Variants in MLIP observed in about 807,000 individuals in gnomAD.
MLIP encodes the protein muscular LMNA-interacting protein.
A neutral mutation model predicts 84.8 loss-of-function variants in MLIP; 79 were observed. The ratio of observed to expected loss-of-function variants is 0.93; its 90% CI spans 0.78 to 1.12. The LOEUF (loss-of-function observed/expected upper bound fraction) is 1.12, where lower values mean the gene tolerates loss of function less well. Among genes scored for constraint, MLIP ranks in the 50% most tolerant of loss-of-function variants. MLIP has a pLI of 0.00. For missense variants in MLIP, 1,257 were observed against 1,160.6 expected, an observed-to-expected ratio of 1.08 and a Z score of -1.21; for synonymous variants, 504 against 463.0, an observed-to-expected ratio of 1.09 and a Z score of -1.14.
chr6:54,117,750 T>C (rs1770072718), intron 1 of MLIP, among the ~76,000 whole-genome samples: 1 of 150,856 alleles, frequency 6.6e-6, no homozygotes, highest in African/African-American at 2.4e-5. Flanking sequence ...ATCGACACCA[T>C]CCTGGCTAAC....
At chr6:54,215,056 TG>T in intron 11 of MLIP, 3 of 939,768 alleles carry the variant, frequency 3.2e-6, no homozygotes, top group Non-Finnish European at 4.9e-6. Context: ...TTCTGGACCC[TG>T]GTCTCTGCCT....
chr6:54,129,397 A>G (rs1363596847), intron 3 of MLIP, among the ~76,000 whole-genome samples: 1 of 152,188 alleles, frequency 6.6e-6, no homozygotes, highest in Non-Finnish European at 1.5e-5. Flanking sequence ...GTGCTTAAAA[A>G]GTGTCTGATG....
intron 11 of MLIP, among the ~76,000 whole-genome samples, chr6:54,225,363 G>A (rs114813586): frequency 6.6e-6 from 1 of 152,108 alleles, no homozygotes; most frequent in South Asian, 2.1e-4. Context: ...TCACACAGTG[G>A]TAAGTATTTG....
chr6:54,193,153 T>C (rs1778062417), intron 10 of MLIP, among the ~76,000 whole-genome samples: 1 of 152,196 alleles, frequency 6.6e-6, no homozygotes, highest in Admixed American at 6.6e-5. Flanking sequence ...GGAGACTGTT[T>C]TGGAGGTTCA....
chr6:54,084,131 CT>C (rs975888335), intron 1 of MLIP, among the ~76,000 whole-genome samples: 1 of 152,140 alleles, frequency 6.6e-6, no homozygotes, highest in Non-Finnish European at 1.5e-5. Context: ...CACAGTTCTA[CT>C]TTTTCCTCTT....
chr6:54,074,532 G>A (rs113893541), intron 1 of MLIP, among the ~76,000 whole-genome samples: 22 of 152,164 alleles, frequency 1.4e-4, no homozygotes, highest in African/African-American at 5.1e-4. Flanking sequence ...GCGGTAAGAA[G>A]GTCAGCAAAT....
intron 9 of MLIP, among the ~76,000 whole-genome samples, chr6:54,186,910 G>T (rs766594874): frequency 6.6e-6 from 1 of 152,142 alleles, no homozygotes; most frequent in Non-Finnish European, 1.5e-5. Context: ...CAGGACCCGA[G>T]AGCTTAGGTT....
At chr6:54,129,457 A>C (rs989203169) in intron 3 of MLIP, among the ~76,000 whole-genome samples, 2 of 152,174 alleles carry the variant, frequency 1.3e-5, no homozygotes, top group African/African-American at 4.8e-5. Flanking sequence ...TGATCTTCTG[A>C]TATAAATAGA....
chr6:54,265,876 A>C, intron 13 of MLIP, 74 bp from the exon 14 acceptor site: 1 of 1,378,930 alleles, frequency 7.3e-7, no homozygotes, highest in Non-Finnish European at 1.0e-6. Flanking sequence ...CCCAAATATT[A>C]ATGTATAATT....
chr6:54,223,533 G>A (rs192104568), intron 11 of MLIP, among the ~76,000 whole-genome samples: 2 of 152,128 alleles, frequency 1.3e-5, no homozygotes, highest in Admixed American at 1.3e-4. Context: ...TCAAAGATTA[G>A]TTGTCCAACC....
rs1360652295 is a variant in MLIP, at chr6:54,178,455, G to GGGTTT, written c.2544+8890_2544+8894dup. On this transcript the variant is annotated intron_variant, in intron 9 of 13. Coordinates refer to ENST00000502396, the MANE Select transcript of MLIP (RefSeq NM_001281747.2). ...TTATTATTTTTCTTCTACTAATTTT[G>GGGTTT]GGTTTGGTTTGCTCTTGACTTTCTA... 9.2e-5 allele frequency among the ~76,000 whole-genome samples: 14 copies of GGGTTT among 151,800 alleles called. No homozygotes were observed. In the East Asian group the frequency reaches 1.7e-3, roughly 19 times the overall value.
chr6:54,177,414 C>A lies in MLIP; in HGVS notation c.2544+7842C>A, dbSNP rs111899490. Among the ~76,000 whole-genome samples, 581 of 152,154 alleles carry A rather than the reference C, an allele frequency of 3.8e-3. 6 individuals carry two copies. Among genetic ancestry groups the A allele is most frequent in the African/African-American group, 0.014 (562 of 41,522 alleles). ...CAAACAGACAATTGTCAAAAGAAGA[C>A]ATTTAGGCAGCCAAGAAACATGAAA... On this transcript the variant is annotated intron_variant, in intron 9 of 13. Coordinates refer to ENST00000502396, the MANE Select transcript of MLIP (RefSeq NM_001281747.2).
chr6:54,178,965 G>A (rs1323960988), intron 9 of MLIP, among the ~76,000 whole-genome samples: 1 of 152,048 alleles, frequency 6.6e-6, no homozygotes, highest in African/African-American at 2.4e-5. Context: ...TTTCTGTCTG[G>A]GAGATCTGTC....
intron 8 of MLIP, among the ~76,000 whole-genome samples, chr6:54,161,004 A>T (rs1481696821): frequency 5.3e-5 from 8 of 152,036 alleles, no homozygotes; most frequent in Non-Finnish European, 1.2e-4. Context: ...TTACATGTGC[A>T]CATATAATGC....
In MLIP at chr6:54,160,774, C is replaced by T. The variant is rs777869742; in HGVS notation, c.2474C>T (p.Thr825Ile). 6.2e-7 allele frequency: 1 copy of T among 1,604,000 alleles called. No homozygotes were observed. ...SSDSPSRSPK[T>I]LLGSDTVKTP... Reference sequence around the variant, plus strand: ...GATTCTCCTTCAAGGTCCCCAAAGACATTGTTGGGTTCTGACACAGTCAAA... The same window carrying T: ...GATTCTCCTTCAAGGTCCCCAAAGATATTGTTGGGTTCTGACACAGTCAAA... The change falls in exon 8 of 14, where the codon ACA becomes ATA. Residue 825 changes from threonine (T) to isoleucine (I), a missense_variant. Thr to Ile is a moderately conservative substitution (Grantham distance 89). Transcript: ENST00000502396.
intron 1 of MLIP, among the ~76,000 whole-genome samples, chr6:54,116,205 T>A (rs1431800827): frequency 6.6e-6 from 1 of 151,646 alleles, no homozygotes; most frequent in Non-Finnish European, 1.5e-5. Flanking sequence ...GGAGAGGGAG[T>A]GAGAGACTTG....
chr6:54,144,824 G>A (rs1348221512), intron 4 of MLIP, among the ~76,000 whole-genome samples: 2 of 152,144 alleles, frequency 1.3e-5, no homozygotes, highest in African/African-American at 4.8e-5. Context: ...TATTACTAGA[G>A]CCTGTGGTGA....
chr6:54,262,987 A>G (rs1466808624), intron 13 of MLIP, among the ~76,000 whole-genome samples: 1 of 152,180 alleles, frequency 6.6e-6, no homozygotes, highest in East Asian at 1.9e-4. Flanking sequence ...AGTTAAATCT[A>G]CTATAGGAGA....
At chr6:54,068,438 CTTCT>C (rs1165071500) in intron 1 of MLIP, among the ~76,000 whole-genome samples, 2 of 99,088 alleles carry the variant, frequency 2.0e-5, no homozygotes, top group African/African-American at 5.1e-5. Flanking sequence ...CCCCACCCAG[CTTCT>C]TTCTTTCTGA....
Sources: gnomAD v4.1 joint callset for allele counts (sites outside exome capture counted in the v4.1 genomes callset) on GRCh38, gnomAD v4.1.1 for gene constraint, MANE v1.5 for transcripts, NCBI Gene and HGNC (gene_info 2026-07-23, HGNC 2026-07-21) for gene names.